SDHAF3: variants seen among roughly 807,000 people sequenced by gnomAD.
SDHAF3 encodes the protein succinate dehydrogenase assembly factor 3, mitochondrial.
SDHAF3 carries 18 observed loss-of-function variants against 11.5 expected under a neutral mutation model. That is an observed-to-expected ratio of 1.56 (90% confidence interval 1.08 to 2.32). The LOEUF is 2.32. SDHAF3 is among the 30% of genes most tolerant of loss of function. The pLI is 0.00. For missense variants in SDHAF3, 200 were observed against 154.4 expected (o/e 1.30, Z -1.57); for synonymous variants, 72 against 59.3 (o/e 1.21, Z -0.99).
intron 1 of SDHAF3, among the ~76,000 whole-genome samples, chr7:97,120,922 G>A (rs185930791): frequency 3.7e-4 from 56 of 152,298 alleles, no homozygotes; most frequent in African/African-American, 1.3e-3. Context: ...TCAGCTGGGG[G>A]AAGTTTTTGT....
intron 1 of SDHAF3, among the ~76,000 whole-genome samples, chr7:97,168,133 G>A (rs1201938830): frequency 1.3e-5 from 2 of 152,080 alleles, no homozygotes; most frequent in Non-Finnish European, 2.9e-5. Flanking sequence ...CCCTCTTTTT[G>A]CCTAATGAAT....
At chr7:97,136,837 A>T (rs1788926001) in intron 1 of SDHAF3, among the ~76,000 whole-genome samples, 1 of 152,178 alleles carries the variant, frequency 6.6e-6, no homozygotes. Flanking sequence ...TAATACTTGG[A>T]AGATAGTAAT....
intron 1 of SDHAF3, among the ~76,000 whole-genome samples, chr7:97,176,187 A>G (rs1789675959): frequency 6.6e-6 from 1 of 152,136 alleles, no homozygotes; most frequent in African/African-American, 2.4e-5. Context: ...GACTTGACAT[A>G]TTTTGGGGAC....
At chr7:97,125,995 AGG>A (rs1219279721) in intron 1 of SDHAF3, among the ~76,000 whole-genome samples, 3 of 152,014 alleles carry the variant, frequency 2.0e-5, no homozygotes, top group Non-Finnish European at 4.4e-5. Context: ...GTTTTGTGTG[AGG>A]GTCTTTTTTG....
At chr7:97,145,648 A>G (rs1211116903) in intron 1 of SDHAF3, among the ~76,000 whole-genome samples, 3 of 152,224 alleles carry the variant, frequency 2.0e-5, no homozygotes, top group East Asian at 1.9e-4. Flanking sequence ...TTGGTTCAAC[A>G]TACATTCTTT....
chr7:97,167,602 TTCAAA>T (rs1408826272), intron 1 of SDHAF3, among the ~76,000 whole-genome samples: 1 of 152,176 alleles, frequency 6.6e-6, no homozygotes, highest in African/African-American at 2.4e-5. Flanking sequence ...TTTATTATTA[TTCAAA>T]TCAATCTCTC....
At chr7:97,126,587 C>T (rs1168529859) in intron 1 of SDHAF3, among the ~76,000 whole-genome samples, 1 of 152,118 alleles carries the variant, frequency 6.6e-6, no homozygotes, top group Non-Finnish European at 1.5e-5. Flanking sequence ...CCTCCCAGTC[C>T]TTAGTACTGT....
In SDHAF3 at chr7:97,177,582, C is replaced by T. The variant is rs144506042; in HGVS notation, c.175-3430C>T. On this transcript the variant is annotated intron_variant, in intron 1 of 1. Transcript: ENST00000432641. ...TTTTCTTGGATTCCACTTAAACTTA[C>T]GGTAGATCTTTTGGCATTGTTTCAC... Among the ~76,000 whole-genome samples, 35 of 152,266 alleles carry T rather than the reference C, an allele frequency of 2.3e-4. No homozygotes were observed. The East Asian group carries it at 3.5e-3, about 15-fold the overall frequency.
intron 1 of SDHAF3, among the ~76,000 whole-genome samples, chr7:97,157,301 G>A (rs1789317859): frequency 6.6e-6 from 1 of 152,122 alleles, no homozygotes; most frequent in South Asian, 2.1e-4. Context: ...TCCTTGCTGT[G>A]ACAGTTCCCT....
chr7:97,172,179 A>T (rs1023722571), intron 1 of SDHAF3, among the ~76,000 whole-genome samples: 2 of 152,210 alleles, frequency 1.3e-5, no homozygotes, highest in Non-Finnish European at 2.9e-5. Flanking sequence ...AGCATATTCA[A>T]ATAGCATATA....
chr7:97,153,667 C>G (rs941572813), intron 1 of SDHAF3, among the ~76,000 whole-genome samples: 1 of 152,094 alleles, frequency 6.6e-6, no homozygotes, highest in Non-Finnish European at 1.5e-5. Context: ...TTTCCACCAG[C>G]GGTGAATGAG....
chr7:97,174,192 T>A (rs1354553457), intron 1 of SDHAF3, among the ~76,000 whole-genome samples: 3 of 152,242 alleles, frequency 2.0e-5, no homozygotes, highest in Non-Finnish European at 4.4e-5. Context: ...ATGCTGGGAT[T>A]ACAGGCATGA....
chr7:97,174,677 T>C (rs563990568), intron 1 of SDHAF3, among the ~76,000 whole-genome samples: 31 of 152,210 alleles, frequency 2.0e-4, no homozygotes, highest in Non-Finnish European at 3.7e-4. Context: ...TGATGTTTTC[T>C]TATGATTAGA....
chr7:97,166,696 C>T (rs868074462), intron 1 of SDHAF3, among the ~76,000 whole-genome samples: 2 of 151,926 alleles, frequency 1.3e-5, no homozygotes, highest in Admixed American at 6.6e-5. Context: ...ACTAATATTT[C>T]AGGTTTACTT....
At chr7:97,171,964 C>T (rs1469454897) in intron 1 of SDHAF3, among the ~76,000 whole-genome samples, 1 of 152,116 alleles carries the variant, frequency 6.6e-6, no homozygotes, top group African/African-American at 2.4e-5. Flanking sequence ...AAATGAAATA[C>T]TGGAGCTGTA....
chr7:97,168,216 G>A (rs1436057440), intron 1 of SDHAF3, among the ~76,000 whole-genome samples: 1 of 152,134 alleles, frequency 6.6e-6, no homozygotes, highest in Non-Finnish European at 1.5e-5. Flanking sequence ...CTTGGATTTA[G>A]CTGAACTAAG....
intron 1 of SDHAF3, among the ~76,000 whole-genome samples, chr7:97,151,293 T>C (rs1228382011): frequency 6.6e-6 from 1 of 152,082 alleles, no homozygotes; most frequent in Admixed American, 6.5e-5. Context: ...GGCCAGATGA[T>C]TGGAATTTTT....
In SDHAF3 at chr7:97,173,714, G is replaced by A. The variant is rs568902954; in HGVS notation, c.175-7298G>A. Among the ~76,000 whole-genome samples the A allele has an allele frequency of 4.6e-5, 7 of 151,548 alleles. No homozygotes were observed. In the South Asian group the frequency reaches 1.0e-3, roughly 23 times the overall value. On this transcript the variant is annotated intron_variant, in intron 1 of 1. Transcript: ENST00000432641. ...ACTACAGGCGCCCACCACCACGCCC[G>A]GCTAATTTTTTGTATTTTTAGTAGA...
At chr7:97,164,900 T>C (rs1435751250) in intron 1 of SDHAF3, among the ~76,000 whole-genome samples, 1 of 152,146 alleles carries the variant, frequency 6.6e-6, no homozygotes, top group East Asian at 1.9e-4. Context: ...ACTGAAACTA[T>C]AGGAAAGATG....
Sources: gnomAD v4.1 joint callset for allele counts (sites outside exome capture counted in the v4.1 genomes callset) on GRCh38, gnomAD v4.1.1 for gene constraint, MANE v1.5 for transcripts, NCBI Gene and HGNC (gene_info 2026-07-23, HGNC 2026-07-21) for gene names.